Variants in KLRG1 observed in about 807,000 individuals in gnomAD.
KLRG1 encodes killer cell lectin like receptor G1, also known as killer cell lectin-like receptor subfamily G member 1.
Under a neutral mutation model 21.8 loss-of-function variants are expected in KLRG1, and 16 were observed. The observed-to-expected ratio is 0.73, with a 90% CI of 0.50 to 1.11. KLRG1 has a LOEUF of 1.11. KLRG1 is among the 50% of genes most tolerant of loss of function. KLRG1 has a pLI of 0.00. For missense variants in KLRG1, 173 were observed against 218.3 expected (o/e 0.79, Z 1.31); for synonymous variants, 69 against 75.9 (o/e 0.91, Z 0.47).
chr12:9,207,007 A>G, the KLRG1 span, among the ~76,000 whole-genome samples: 1 of 152,170 alleles, frequency 6.6e-6, no homozygotes. Context: ...TAGATGAGGT[A>G]GAGGGATAGT....
chr12:9,089,910 A>G, the KLRG1 span: 6 of 1,610,308 alleles, frequency 3.7e-6, no homozygotes, highest in Non-Finnish European at 4.2e-6. Flanking sequence ...ACTTCAACCA[A>G]CAGAGGCTTG....
At chr12:9,037,744 G>T in the KLRG1 span, among the ~76,000 whole-genome samples, 1 of 152,024 alleles carries the variant, frequency 6.6e-6, no homozygotes, top group Admixed American at 6.6e-5. Context: ...TCTATGTTTA[G>T]ATACATTTAG....
intron 3 of KLRG1, among the ~76,000 whole-genome samples, chr12:9,000,018 G>A (rs760416385): frequency 4.6e-5 from 7 of 152,238 alleles, no homozygotes; most frequent in Non-Finnish European, 7.4e-5. Context: ...CTGAGAGACA[G>A]AGTGATACTC....
At chr12:9,212,743 A>G in the KLRG1 span, among the ~76,000 whole-genome samples, 6 of 152,000 alleles carry the variant, frequency 3.9e-5, no homozygotes, top group Non-Finnish European at 7.4e-5. Context: ...AATCTGAAAA[A>G]AAAAACCAGT....
chr12:9,168,085 A>C, the KLRG1 span, among the ~76,000 whole-genome samples: 1 of 152,206 alleles, frequency 6.6e-6, no homozygotes, highest in Non-Finnish European at 1.5e-5. Flanking sequence ...AGAAAATGCT[A>C]TTTAAACAAT....
the KLRG1 span, chr12:9,110,192 G>A: frequency 9.1e-7 from 1 of 1,096,160 alleles, no homozygotes; most frequent in East Asian, 2.5e-5. Flanking sequence ...TAGCTCTATG[G>A]GAGTTTGAAG....
the KLRG1 span, chr12:9,067,466 G>T: frequency 3.5e-6 from 1 of 287,474 alleles, no homozygotes; most frequent in Non-Finnish European, 6.7e-6. Flanking sequence ...TCACCCTTTG[G>T]GTTTTTCATA....
the KLRG1 span, among the ~76,000 whole-genome samples, chr12:9,090,911 C>T: frequency 4.3e-4 from 65 of 152,192 alleles, 1 homozygote; most frequent in East Asian, 0.012. Context: ...TATATGAGAT[C>T]GTAGAGGTTG....
intron 3 of KLRG1, among the ~76,000 whole-genome samples, chr12:8,998,056 AG>A (rs1455293871): frequency 6.6e-6 from 1 of 152,176 alleles, no homozygotes; most frequent in African/African-American, 2.4e-5. Context: ...GGCTGGGCAT[AG>A]TGGCTCCTGC....
the KLRG1 span, among the ~76,000 whole-genome samples, chr12:9,111,204 G>A: frequency 4.6e-5 from 7 of 151,928 alleles, no homozygotes; most frequent in African/African-American, 7.3e-5. Context: ...CTTCTCATGC[G>A]CTGTGTATCA....
At chr12:9,130,689 A>G in the KLRG1 span, among the ~76,000 whole-genome samples, 1 of 151,652 alleles carries the variant, frequency 6.6e-6, no homozygotes, top group South Asian at 2.1e-4. Context: ...TTCTTTATAT[A>G]TTGTGGATAA....
intron 1 of KLRG1, among the ~76,000 whole-genome samples, chr12:8,958,559 TA>T (rs1946332948): frequency 6.6e-6 from 1 of 152,126 alleles, no homozygotes. Flanking sequence ...CAATTTCTGT[TA>T]AAAAATCCTG....
intron 4 of KLRG1, 94 bp downstream of exon 4, chr12:9,009,169 A>G: frequency 1.0e-6 from 1 of 992,320 alleles, no homozygotes. Flanking sequence ...GAGCAGATGG[A>G]GAGGAGAGGA....
At chr12:8,955,220 A>G (rs1369057099) in intron 1 of KLRG1, among the ~76,000 whole-genome samples, 2 of 151,900 alleles carry the variant, frequency 1.3e-5, no homozygotes, top group Non-Finnish European at 1.5e-5. Context: ...GCCGAAATAT[A>G]CAACTCTTAA....
the KLRG1 span, chr12:9,076,691 A>T: frequency 6.5e-6 from 10 of 1,545,444 alleles, no homozygotes; most frequent in East Asian, 2.3e-4. Context: ...GGAGTGAGGG[A>T]TTTTTGCCAT....
chr12:9,110,897 A>G, the KLRG1 span, among the ~76,000 whole-genome samples: 7 of 152,172 alleles, frequency 4.6e-5, no homozygotes, highest in African/African-American at 1.7e-4. Flanking sequence ...AGTGCCATTT[A>G]CTAAAAATGG....
chr12:9,054,647 A>G, the KLRG1 span, among the ~76,000 whole-genome samples: 2 of 152,256 alleles, frequency 1.3e-5, no homozygotes, highest in South Asian at 2.1e-4. Context: ...TAGTTGCTCT[A>G]TTTTGCTACT....
chr12:9,072,528 C>G, the KLRG1 span: 1 of 1,602,236 alleles, frequency 6.2e-7, no homozygotes, highest in Non-Finnish European at 8.5e-7. Context: ...TGCCCTTTCC[C>G]AGAATTCCTG....
the KLRG1 span, among the ~76,000 whole-genome samples, chr12:9,093,253 C>T: frequency 6.6e-6 from 1 of 152,096 alleles, no homozygotes; most frequent in Non-Finnish European, 1.5e-5. Flanking sequence ...TTGCTATGCA[C>T]ACAAAAATAG....
Sources: gnomAD v4.1 joint callset for allele counts (sites outside exome capture counted in the v4.1 genomes callset) on GRCh38, gnomAD v4.1.1 for gene constraint, MANE v1.5 for transcripts, NCBI Gene and HGNC (gene_info 2026-07-23, HGNC 2026-07-21) for gene names.